The following KPTN variants were observed in gnomAD, a reference collection of about 807,000 sequenced individuals.
The protein encoded by KPTN is KICSTOR complex protein kaptin.
KPTN carries 36 observed loss-of-function variants against 52.6 expected under a neutral mutation model. The ratio of observed to expected loss-of-function variants is 0.68; its 90% CI spans 0.52 to 0.90. KPTN has a LOEUF of 0.90. Ranked by LOEUF, KPTN falls within the 40% of genes least tolerant of loss-of-function variation. The pLI is 0.00. For missense variants in KPTN, 529 were observed against 576.2 expected, an observed-to-expected ratio of 0.92 and a Z score of 0.84; for synonymous variants, 271 against 248.4, an observed-to-expected ratio of 1.09 and a Z score of -0.85.
At chr19:47,483,061 G>A in intron 4 of KPTN, 100 bp downstream of exon 4, 3 of 1,200,408 alleles carry the variant, frequency 2.5e-6, no homozygotes, top group East Asian at 4.7e-5. Flanking sequence ...TTCCAGAAGG[G>A]GAAACAGACT....
At position 47,479,289 on chromosome 19, in the gene KPTN, C is replaced by T. The variant is rs991250186; in HGVS notation, c.787+574G>A. 4.0e-4 allele frequency among the ~76,000 whole-genome samples: 61 copies of T among 152,312 alleles called. 1 individual carries two copies. The highest frequency in any genetic ancestry group is 1.4e-3 in the African/African-American group (59 of 41,566). Reference sequence around the variant, plus strand: ...AACTCCCGACCTCAGGTGATCCGTCCGCTTCGGCCTCCCAAAGTGCTGGGA... The same window carrying T: ...AACTCCCGACCTCAGGTGATCCGTCTGCTTCGGCCTCCCAAAGTGCTGGGA... On this transcript the variant is annotated intron_variant, in intron 8 of 11. Coordinates refer to ENST00000338134, the MANE Select transcript of KPTN (RefSeq NM_007059.4).
At chr19:47,481,841 C>T (rs1265477257) in intron 4 of KPTN, among the ~76,000 whole-genome samples, 1 of 152,154 alleles carries the variant, frequency 6.6e-6, no homozygotes, top group Non-Finnish European at 1.5e-5. Flanking sequence ...ATCTGGAACT[C>T]TAGAATGGAA....
chr19:47,475,469 GT>G lies in KPTN; in HGVS notation c.1257del (p.Gln420ArgfsTer78), dbSNP rs1568452161. ...GCACCTGCCCCGTCCTCCAACCCCT[GT>G]AGCCGACGTCTCCTCTGCTCCACTT... ...RHQVEQRRRR[L>X]QGLEDGAGAG... On this transcript the variant is annotated frameshift_variant, in exon 12 of 12. Coordinates refer to ENST00000338134, the MANE Select transcript of KPTN (RefSeq NM_007059.4). LOFTEE classifies it low-confidence loss of function (END_TRUNC). The G allele has an allele frequency of 6.2e-7, 1 of 1,613,512 alleles. No individual in the cohort carries two copies. Among genetic ancestry groups the G allele is most frequent in the Non-Finnish European group, 8.5e-7 (1 of 1,179,582 alleles).
intron 6 of KPTN, 26 bp from the exon 7 acceptor site, chr19:47,480,433 C>A (rs958026421): frequency 1.3e-5 from 19 of 1,497,890 alleles, no homozygotes; most frequent in Non-Finnish European, 1.6e-5. Flanking sequence ...ATGGACAGGA[C>A]GGACGGCCAT....
In KPTN at chr19:47,482,493, A is replaced by G. The variant is rs566952424; in HGVS notation, c.449+668T>C. Among the ~76,000 whole-genome samples, 312 of 150,586 alleles carry G rather than the reference A, an allele frequency of 2.1e-3. 10 individuals are homozygous for G. The highest frequency in any genetic ancestry group is 7.9e-3 in the South Asian group (38 of 4,792). On this transcript the variant is annotated intron_variant, in intron 4 of 11. Coordinates refer to ENST00000338134, the MANE Select transcript of KPTN (RefSeq NM_007059.4). ...GAGCATCTATCTCAAAAAAAAAAAA[A>G]AAGAAAGAAAAAAAAAGTGCAATGC...
intron 8 of KPTN, among the ~76,000 whole-genome samples, chr19:47,479,321 C>T (rs1301838853): frequency 1.3e-5 from 2 of 152,084 alleles, no homozygotes; most frequent in African/African-American, 4.8e-5. Context: ...GGGATTACCG[C>T]GCCTAGTCAA....
chr19:47,483,029 A>G, intron 4 of KPTN, 132 bp downstream of exon 4: 1 of 968,610 alleles, frequency 1.0e-6, no homozygotes, highest in Non-Finnish European at 1.6e-6. Context: ...TTCAATCCCT[A>G]ATCTAGTACA....
chr19:47,477,839 C>A, intron 8 of KPTN, 58 bp from the exon 9 acceptor site: 1 of 1,233,634 alleles, frequency 8.1e-7, no homozygotes, highest in South Asian at 1.2e-5. Context: ...GCGGGTGGAT[C>A]AGCTGAGGTC....
At chr19:47,477,527 A>C (rs1967713419) in intron 9 of KPTN, among the ~76,000 whole-genome samples, 179 bp downstream of exon 9, 1 of 148,758 alleles carries the variant, frequency 6.7e-6, no homozygotes, top group Non-Finnish European at 1.5e-5. Flanking sequence ...CAGCCTCAAC[A>C]TATTCCCTAC....
At position 47,484,089 on chromosome 19, in the gene KPTN, C is replaced by T; in HGVS notation, c.72G>A (p.Ser24=). The T allele has an allele frequency of 6.2e-7, 1 of 1,607,576 alleles. No homozygotes were observed. The highest frequency in any genetic ancestry group is 8.5e-7 in the Non-Finnish European group (1 of 1,179,768). The change falls in exon 1 of 12, where the codon TCG becomes TCA. Residue 24 remains serine, a synonymous_variant. Coordinates refer to ENST00000338134, the MANE Select transcript of KPTN (RefSeq NM_007059.4). ...LREDSFTRFS[S]QSNVYGLAGG... ...CTGCCAGCCCGTACACATTGCTCTG[C>T]GACGAGAAGCGCGTGAAGCTGTCCT...
intron 4 of KPTN, 93 bp downstream of exon 4, chr19:47,483,067 AG>A: frequency 8.1e-7 from 1 of 1,230,676 alleles, no homozygotes; most frequent in Non-Finnish European, 1.2e-6. Flanking sequence ...AAGGGGAAAC[AG>A]ACTACAGGGG....
chr19:47,484,027 G>A lies in KPTN; in HGVS notation c.134C>T (p.Thr45Ile), dbSNP rs778103174. ...AGGRGELLAA[T>I]LKGKVLGFRY... ...GAAGCCGAGCACCTTGCCTTTAAGG[G>A]TGGCGGCCAGCAGCTCCCCGCGCCC... Residue 45 changes from threonine (T) to isoleucine (I), a missense_variant, in exon 1 of 12, where the codon ACC becomes ATC. Coordinates refer to ENST00000338134, the MANE Select transcript of KPTN (RefSeq NM_007059.4). 1 of 1,612,566 alleles carries A rather than the reference G, an allele frequency of 6.2e-7. No homozygotes were observed. The highest frequency in any genetic ancestry group is 8.5e-7 in the Non-Finnish European group (1 of 1,179,992).
At position 47,483,323 on chromosome 19, in the gene KPTN, G is replaced by A; in HGVS notation, c.366C>T (p.Gly122=). 6.2e-7 allele frequency: 1 copy of A among 1,614,078 alleles called. No individual in the cohort carries two copies. The highest frequency in any genetic ancestry group is 8.5e-7 in the Non-Finnish European group (1 of 1,180,004). Residue 122 remains glycine (G), a synonymous_variant, in exon 3 of 12, where the codon GGC becomes GGT. Coordinates refer to ENST00000338134, the MANE Select transcript of KPTN (RefSeq NM_007059.4). ...FLNIYCDYEP[G]SEYNLDSIAQ... ...CAATAGAGTCAAGGTTGTACTCAGAGCCGGGCTCGTAGTCGCAGTAAATGT... is the reference window on the plus strand; with the variant it reads ...CAATAGAGTCAAGGTTGTACTCAGAACCGGGCTCGTAGTCGCAGTAAATGT...
chr19:47,481,909 C>G (rs1178408782), intron 4 of KPTN, among the ~76,000 whole-genome samples: 1 of 152,184 alleles, frequency 6.6e-6, no homozygotes, highest in Non-Finnish European at 1.5e-5. Context: ...GTTCTATCTC[C>G]TCGAAAGATG....
chr19:47,480,398 C>G lies in KPTN; in HGVS notation c.609G>C (p.Trp203Cys). Residue 203 changes from tryptophan to cysteine, a missense_variant, in exon 7 of 12, where the codon TGG (tryptophan) becomes TGC (cysteine). Physicochemically the swap from Trp to Cys is radical, Grantham distance 215. Coordinates refer to ENST00000338134, the MANE Select transcript of KPTN (RefSeq NM_007059.4). ...ELTNLTSSVL[W>C]LDVHNFPGTS... ...TGCCGGGGAAGTTGTGGACGTCCAG[C>G]CAGAGGACGCTGGCGGGCGGGTGGA... 5 of 1,547,530 alleles carry G rather than the reference C, an allele frequency of 3.2e-6. No homozygotes were observed. The highest frequency in any genetic ancestry group is 4.4e-6 in the Non-Finnish European group (5 of 1,145,270).
At chr19:47,479,828 C>T (rs772574578) in intron 8 of KPTN, 35 bp downstream of exon 8, 3 of 1,572,848 alleles carry the variant, frequency 1.9e-6, no homozygotes, top group South Asian at 1.1e-5. Flanking sequence ...CCCTCCCACC[C>T]GCTCTCTCCC....
chr19:47,480,174 C>A, intron 7 of KPTN, 124 bp downstream of exon 7: 2 of 573,622 alleles, frequency 3.5e-6, no homozygotes, highest in Non-Finnish European at 6.1e-6. Flanking sequence ...GCAAGCCCCA[C>A]CCTCATCCCT....
rs1967953591 is a variant in KPTN, at chr19:47,483,321, G to A, written c.368C>T (p.Ser123Phe). 3.1e-6 allele frequency: 5 copies of A among 1,613,964 alleles called. No homozygotes were observed. In the South Asian group the frequency reaches 5.5e-5, roughly 18 times the overall value. The change falls in exon 3 of 12, where the codon TCT (serine) becomes TTT (phenylalanine). Residue 123 changes from serine to phenylalanine, a missense_variant. By Grantham distance (155) the Ser-to-Phe change is radical. Transcript: ENST00000338134. ...GGCAATAGAGTCAAGGTTGTACTCA[G>A]AGCCGGGCTCGTAGTCGCAGTAAAT... ...LNIYCDYEPGSEYNLDSIAQS... is the reference protein window; with the variant it reads ...LNIYCDYEPGFEYNLDSIAQS...
At chr19:47,483,876 G>A in intron 1 of KPTN, 59 bp downstream of exon 1, 1 of 1,602,288 alleles carries the variant, frequency 6.2e-7, no homozygotes, top group East Asian at 2.2e-5. Context: ...CAGAGCCTCA[G>A]AAGCCTTCTC....
Sources: allele counts gnomAD v4.1 joint callset (sites outside exome capture counted in the v4.1 genomes callset), GRCh38; gene constraint gnomAD v4.1.1; transcripts MANE v1.5; gene names NCBI Gene and HGNC (gene_info 2026-07-23, HGNC 2026-07-21).